ADHFE1: variants seen among roughly 807,000 people sequenced by gnomAD.
The protein encoded by ADHFE1 is alcohol dehydrogenase iron containing 1.
In ADHFE1, 37 loss-of-function variants were observed where a neutral mutation model predicts 54.8. The ratio of observed to expected loss-of-function variants is 0.68; its 90% CI spans 0.52 to 0.89. The LOEUF is 0.89. Among genes scored for constraint, ADHFE1 ranks in the 40% least tolerant of loss-of-function variants. The pLI, the probability that ADHFE1 is intolerant of heterozygous loss-of-function variation, is 0.00. For missense variants in ADHFE1, 601 were observed against 591.2 expected, an observed-to-expected ratio of 1.02 and a Z score of -0.17; for synonymous variants, 203 against 229.3, an observed-to-expected ratio of 0.89 and a Z score of 1.04.
chr8:66,454,053 T>G lies in ADHFE1; in HGVS notation c.888-6T>G, dbSNP rs751373894. ...TGTTATTGTTAGGTATTTATATCAT[T>G]CACAGGGCTGTCAGAAATCCCGATG... On this transcript the variant is annotated splice_region_variant and splice_polypyrimidine_tract_variant and intron_variant, in intron 9 of 13. Coordinates refer to ENST00000396623, the MANE Select transcript of ADHFE1 (RefSeq NM_144650.3). The G allele has an allele frequency of 6.2e-7, 1 of 1,614,036 alleles. No homozygotes were observed. Among genetic ancestry groups the G allele is most frequent in the South Asian group, 1.1e-5 (1 of 91,034 alleles).
chr8:66,448,303 G>T (rs892552025), intron 7 of ADHFE1, among the ~76,000 whole-genome samples: 3 of 152,214 alleles, frequency 2.0e-5, no homozygotes, highest in Non-Finnish European at 2.9e-5. Context: ...TTAAGTTGAT[G>T]ATAATAATGG....
chr8:66,452,498 A>T (rs1806353178), intron 9 of ADHFE1, among the ~76,000 whole-genome samples: 1 of 152,216 alleles, frequency 6.6e-6, no homozygotes, highest in South Asian at 2.1e-4. Context: ...AACTTAAGAC[A>T]TAAATGTGGG....
chr8:66,464,442 C>T (rs1275410470), intron 13 of ADHFE1, among the ~76,000 whole-genome samples: 1 of 152,204 alleles, frequency 6.6e-6, no homozygotes, highest in Admixed American at 6.5e-5. Flanking sequence ...GACTCTCTCC[C>T]ATTATGAACA....
At chr8:66,450,264 A>G (rs1806232141) in intron 8 of ADHFE1, among the ~76,000 whole-genome samples, 1 of 152,258 alleles carries the variant, frequency 6.6e-6, no homozygotes, top group Non-Finnish European at 1.5e-5. Flanking sequence ...TGTAAAGTAC[A>G]TAGTAAATAC....
chr8:66,449,350 C>T (rs192672706), intron 8 of ADHFE1, among the ~76,000 whole-genome samples: 1 of 152,134 alleles, frequency 6.6e-6, no homozygotes, highest in East Asian at 1.9e-4. Context: ...AGGGACACAC[C>T]AGCTACCTTT....
chr8:66,450,084 C>G (rs1407906267), intron 8 of ADHFE1, among the ~76,000 whole-genome samples: 1 of 152,210 alleles, frequency 6.6e-6, no homozygotes, highest in Non-Finnish European at 1.5e-5. Flanking sequence ...AGTTAGAACT[C>G]ACATCCAGGT....
intron 10 of ADHFE1, among the ~76,000 whole-genome samples, chr8:66,455,807 C>A (rs1325884653): frequency 1.3e-5 from 2 of 152,086 alleles, no homozygotes; most frequent in Non-Finnish European, 2.9e-5. Context: ...CCTGTAGTCC[C>A]AGCTACTCAA....
intron 11 of ADHFE1, 45 bp downstream of exon 11, chr8:66,456,940 C>G: frequency 6.9e-7 from 1 of 1,450,666 alleles, no homozygotes; most frequent in Non-Finnish European, 9.2e-7. Flanking sequence ...TTATAATCAT[C>G]CCAATTTCCA....
chr8:66,433,075 C>G (rs150051319), intron 1 of ADHFE1, among the ~76,000 whole-genome samples: 133 of 152,202 alleles, frequency 8.7e-4, no homozygotes, highest in African/African-American at 3.1e-3. Context: ...TGTGAGAAGT[C>G]GCAGAGTCAC....
At chr8:66,464,732 T>C (rs1807078856) in intron 13 of ADHFE1, among the ~76,000 whole-genome samples, 1 of 152,226 alleles carries the variant, frequency 6.6e-6, no homozygotes, top group Admixed American at 6.5e-5. Flanking sequence ...ATTTACCATT[T>C]TAACCATTTT....
chr8:66,453,606 A>G, intron 9 of ADHFE1: 1 of 952,758 alleles, frequency 1.0e-6, no homozygotes, highest in Non-Finnish European at 1.5e-6. Flanking sequence ...CCACAGATAT[A>G]AAGAGGCCCC....
chr8:66,432,899 A>G (rs1805277373), intron 1 of ADHFE1: 1 of 1,153,716 alleles, frequency 8.7e-7, no homozygotes, highest in Non-Finnish European at 1.1e-6. Flanking sequence ...CATGTATGCA[A>G]TTGACACATA....
At chr8:66,460,660 A>T (rs571451481) in intron 13 of ADHFE1, among the ~76,000 whole-genome samples, 195 bp downstream of exon 13, 3 of 152,178 alleles carry the variant, frequency 2.0e-5, no homozygotes, top group Non-Finnish European at 4.4e-5. Flanking sequence ...GTTCATCCAT[A>T]CAGCTGTAGC....
At chr8:66,443,154 C>T (rs1365532897) in intron 3 of ADHFE1, among the ~76,000 whole-genome samples, 1 of 151,754 alleles carries the variant, frequency 6.6e-6, no homozygotes, top group Non-Finnish European at 1.5e-5. Flanking sequence ...TTATAACAAT[C>T]CCAAAAGAGG....
chr8:66,460,400 G>A lies in ADHFE1; in HGVS notation c.1255G>A (p.Gly419Ser). 2 of 1,613,784 alleles carry A rather than the reference G, an allele frequency of 1.2e-6. No individual in the cohort carries two copies. The highest frequency in any genetic ancestry group is 2.2e-5 in the East Asian group (1 of 44,874). Residue 419 changes from glycine (G) to serine (S), a missense_variant, in exon 13 of 14, where the codon GGC becomes AGC. Transcript: ENST00000396623. ...CTTATTCGATCTGGATGTTGATGATGGCCTAGCAGCTGTTGGTTACTCCAA... is the reference window on the plus strand; with the variant it reads ...CTTATTCGATCTGGATGTTGATGATAGCCTAGCAGCTGTTGGTTACTCCAA... ...KFLFDLDVDD[G>S]LAAVGYSKAD...
chr8:66,459,938 A>G, intron 12 of ADHFE1: 1 of 180,218 alleles, frequency 5.5e-6, no homozygotes, highest in Admixed American at 5.6e-5. Flanking sequence ...CACATCATAC[A>G]CCTCTAGATG....
intron 12 of ADHFE1, among the ~76,000 whole-genome samples, chr8:66,458,732 C>T (rs887066961): frequency 7.2e-5 from 11 of 152,208 alleles, no homozygotes; most frequent in Admixed American, 7.2e-4. Context: ...AGCTATCCCA[C>T]ACGATGAAAT....
rs552854285 is a variant in ADHFE1 at position 66,446,806 on chromosome 8, A to G, written c.551-458A>G. On this transcript the variant is annotated intron_variant, in intron 6 of 13. Transcript: ENST00000396623. ...ATGCTAACACATACAGAGGTCACAC[A>G]TACATATTAAATATACATACATATT... Among the ~76,000 whole-genome samples, 3 of 152,362 alleles carry G rather than the reference A, an allele frequency of 2.0e-5. No individual in the cohort carries two copies. The South Asian group carries it at 6.2e-4, about 32-fold the overall frequency.
At position 66,452,088 on chromosome 8, in the gene ADHFE1, GGCT is replaced by G; in HGVS notation, c.871_873del (p.Ala291del). The stretch of plus-strand genomic sequence containing the variant: ...GGGCTATCCACGCGCTGCGGATCGT[GGCT>G]AAGTATCTGAAGAGGTATGTCACCC... On this transcript the variant is annotated inframe_deletion, in exon 9 of 14. Transcript: ENST00000396623. The G allele has an allele frequency of 6.2e-7, 1 of 1,614,142 alleles. No individual in the cohort carries two copies. Among genetic ancestry groups the G allele is most frequent in the Non-Finnish European group, 8.5e-7 (1 of 1,180,032 alleles).
Sources: gnomAD v4.1 joint callset for allele counts (sites outside exome capture counted in the v4.1 genomes callset) on GRCh38, gnomAD v4.1.1 for gene constraint, MANE v1.5 for transcripts, NCBI Gene and HGNC (gene_info 2026-07-23, HGNC 2026-07-21) for gene names.